ZDHHC5: variants seen among roughly 807,000 people sequenced by gnomAD.
ZDHHC5 encodes the protein zDHHC palmitoyltransferase 5, also known as palmitoyltransferase ZDHHC5.
Under a neutral mutation model 70.0 loss-of-function variants are expected in ZDHHC5, and 22 were observed. That is an observed-to-expected ratio of 0.31 (90% CI 0.22 to 0.45). The LOEUF (loss-of-function observed/expected upper bound fraction) is 0.45, where lower values mean the gene tolerates loss of function less well. ZDHHC5 is among the 20% of genes least tolerant of loss of function. The pLI is 1.00. For missense variants in ZDHHC5, 746 were observed against 926.9 expected, an observed-to-expected ratio of 0.80 and a Z score of 2.53; for synonymous variants, 313 against 347.8, an observed-to-expected ratio of 0.90 and a Z score of 1.11.
At chr11:57,693,748 G>A (rs954682898) in intron 7 of ZDHHC5, 35 bp from the exon 8 acceptor site, 49 of 1,517,340 alleles carry the variant, frequency 3.2e-5, no homozygotes, top group Middle Eastern at 1.7e-4. Context: ...AAGCTCTCTC[G>A]CTGTGTCTCT....
intron 3 of ZDHHC5, 89 bp downstream of exon 3, chr11:57,682,632 G>C: frequency 6.9e-7 from 1 of 1,449,074 alleles, no homozygotes; most frequent in Non-Finnish European, 9.2e-7. Context: ...GGCCTTAAGA[G>C]TCCTGGGATT....
intron 4 of ZDHHC5, among the ~76,000 whole-genome samples, chr11:57,689,777 T>C (rs961293686): frequency 7.3e-5 from 11 of 150,914 alleles, no homozygotes; most frequent in African/African-American, 2.7e-4. Context: ...AGCCTTGAAC[T>C]CCTGGGCTCA....
chr11:57,699,862 C>G lies in ZDHHC5; in HGVS notation c.1983-4C>G, dbSNP rs1946417229. 1 of 1,614,174 alleles carries G rather than the reference C, an allele frequency of 6.2e-7. No individual in the cohort carries two copies. Among genetic ancestry groups the G allele is most frequent in the Non-Finnish European group, 8.5e-7 (1 of 1,180,022 alleles). ...GACACCTACGTCTTGTCTCTTCTTT[C>G]CAGAGATGAAGTACAGCTGAAGACC... On this transcript the variant is annotated splice_region_variant and splice_polypyrimidine_tract_variant and intron_variant, in intron 11 of 11. Coordinates refer to ENST00000287169, the MANE Select transcript of ZDHHC5 (RefSeq NM_015457.3).
In ZDHHC5 at chr11:57,698,790, A is replaced by G. The variant is rs1233485097; in HGVS notation, c.1354A>G (p.Thr452Ala). 2 of 1,614,014 alleles carry G rather than the reference A, an allele frequency of 1.2e-6. No homozygotes were observed. The highest frequency in any genetic ancestry group is 1.7e-6 in the Non-Finnish European group (2 of 1,180,038). The change falls in exon 11 of 12, where the codon ACC (threonine) becomes GCC (alanine). Residue 452 changes from threonine (T) to alanine (A), a missense_variant. Physicochemically the swap from Thr to Ala is moderately conservative, Grantham distance 58 (BLOSUM62 0). Around this residue, in one of 6 missense-constraint regions of ZDHHC5, gnomAD observed 340 missense variants for 350.1 expected, o/e 0.97. Coordinates refer to ENST00000287169, the MANE Select transcript of ZDHHC5 (RefSeq NM_015457.3). ...GCAATCCATTCGTTCAGAGGGCACC[A>G]CCTCCACCTCCTATAAGAGCCTGGC... ...QLQSIRSEGT[T>A]STSYKSLANQ...
chr11:57,678,608 A>T (rs891586017), intron 2 of ZDHHC5, among the ~76,000 whole-genome samples: 16 of 150,062 alleles, frequency 1.1e-4, no homozygotes, highest in Admixed American at 1.0e-3. Flanking sequence ...GGCTGGGAGC[A>T]GTGGCTCACA....
intron 6 of ZDHHC5, among the ~76,000 whole-genome samples, chr11:57,692,167 A>T (rs2135398749): frequency 6.6e-6 from 1 of 152,078 alleles, no homozygotes; most frequent in Middle Eastern, 3.4e-3. Flanking sequence ...CAGGTGCCTG[A>T]CACCATGCCC....
Position 57,693,917 on chromosome 11 carries a change from T to C in ZDHHC5, c.885+2T>C. 10 of 1,607,452 alleles carry C rather than the reference T, an allele frequency of 6.2e-6. No individual in the cohort carries two copies. Among genetic ancestry groups the C allele is most frequent in the Non-Finnish European group, 8.5e-6 (10 of 1,177,852 alleles). ...CAGGGAGAGCTGAGGAGAACAAAGGTGAGGAATTTAGAGAAGTCAAGCTAG... is the reference window on the plus strand; with the variant it reads ...CAGGGAGAGCTGAGGAGAACAAAGGCGAGGAATTTAGAGAAGTCAAGCTAG... On this transcript the variant is annotated splice_donor_variant, in intron 8 of 11. Transcript: ENST00000287169. LOFTEE classifies it high-confidence loss of function.
rs1335232971 is a variant in ZDHHC5, at chr11:57,668,259, C to T, written c.-1071+72C>T. ...CAGCGAGGTGGGAGGGGAGGGTGAC[C>T]TCTAGGGAAGGGGGACCGAAGACGG... On this transcript the variant is annotated intron_variant, in intron 1 of 11. Coordinates refer to ENST00000287169, the MANE Select transcript of ZDHHC5 (RefSeq NM_015457.3). 3.8e-5 allele frequency: 13 copies of T among 341,824 alleles called. No homozygotes were observed. The Admixed American group carries it at 4.8e-4, about 13-fold the overall frequency. 21.2% of individuals were successfully genotyped at this position (341,824 alleles called of 1,614,324 possible).
At chr11:57,670,302 T>G (rs1245610244) in intron 1 of ZDHHC5, among the ~76,000 whole-genome samples, 1 of 151,918 alleles carries the variant, frequency 6.6e-6, no homozygotes, top group Non-Finnish European at 1.5e-5. Flanking sequence ...TGAAACCCCA[T>G]CTCTACTAAA....
intron 6 of ZDHHC5, among the ~76,000 whole-genome samples, chr11:57,691,488 C>T (rs1045801365): frequency 3.3e-5 from 5 of 152,092 alleles, no homozygotes; most frequent in Non-Finnish European, 5.9e-5. Flanking sequence ...TGAGCCACTG[C>T]GCCCAGCCTA....
chr11:57,692,940 A>T (rs781615768), intron 7 of ZDHHC5, among the ~76,000 whole-genome samples: 3 of 152,026 alleles, frequency 2.0e-5, no homozygotes, highest in Admixed American at 6.5e-5. Context: ...GACCGGTTTC[A>T]TGGGAGACAC....
At chr11:57,676,906 G>A (rs1158198052) in intron 2 of ZDHHC5, among the ~76,000 whole-genome samples, 1 of 134,144 alleles carries the variant, frequency 7.5e-6, no homozygotes, top group Non-Finnish European at 1.5e-5. Flanking sequence ...TCTGCTTCAC[G>A]TGATTTTTTT....
intron 3 of ZDHHC5, among the ~76,000 whole-genome samples, chr11:57,683,231 C>G (rs575822558): frequency 1.3e-5 from 2 of 152,326 alleles, no homozygotes; most frequent in African/African-American, 2.4e-5. Context: ...TTAAATAGAT[C>G]ATACATTTTC....
At chr11:57,679,441 C>T (rs976530686) in intron 2 of ZDHHC5, among the ~76,000 whole-genome samples, 7 of 152,098 alleles carry the variant, frequency 4.6e-5, no homozygotes, top group Admixed American at 2.0e-4. Flanking sequence ...GGGTTACAGG[C>T]GTGAGCCACC....
chr11:57,690,562 G>A (rs1318175497), intron 6 of ZDHHC5, 125 bp downstream of exon 6: 9 of 1,041,506 alleles, frequency 8.6e-6, no homozygotes, highest in Non-Finnish European at 1.3e-5. Flanking sequence ...ATTATGTAGA[G>A]ATTAATGGTA....
At chr11:57,680,535 G>A (rs1476795132) in intron 2 of ZDHHC5, among the ~76,000 whole-genome samples, 2 of 152,214 alleles carry the variant, frequency 1.3e-5, no homozygotes, top group East Asian at 3.8e-4. Flanking sequence ...CCAGTTGTAG[G>A]AATGAGACTT....
chr11:57,692,577 ATCT>A (rs746115289), intron 6 of ZDHHC5, 31 bp from the exon 7 acceptor site: 65 of 1,602,532 alleles, frequency 4.1e-5, no homozygotes, highest in Non-Finnish European at 5.2e-5. Context: ...TCAAGGTCTC[ATCT>A]TCTAACCTGG....
rs113494839 is a variant in ZDHHC5, at chr11:57,698,118, A to AACACACACAC, written c.1123-419_1123-410dup. On this transcript the variant is annotated intron_variant, in intron 10 of 11. Coordinates refer to ENST00000287169, the MANE Select transcript of ZDHHC5 (RefSeq NM_015457.3). ...CCATCACGCTCCAGCCTGGGCTTAA[A>AACACACACAC]ACACACACACACACACACACACACA... is the stretch of plus-strand genomic sequence containing the variant. Among the ~76,000 whole-genome samples, 1,090 of 110,372 alleles carry AACACACACAC rather than the reference A, an allele frequency of 9.9e-3. 13 individuals carry two copies. Among genetic ancestry groups the AACACACACAC allele is most frequent in the African/African-American group, 0.023 (834 of 36,052 alleles). 72.4% of individuals were successfully genotyped at this position (110,372 alleles called of 152,430 possible). A position where few individuals can be genotyped will look rare whatever the true frequency, so the allele number is the denominator to read the frequency against.
intron 4 of ZDHHC5, among the ~76,000 whole-genome samples, chr11:57,688,922 G>A (rs1413811268): frequency 6.6e-6 from 1 of 152,138 alleles, no homozygotes; most frequent in Non-Finnish European, 1.5e-5. Flanking sequence ...TAGTGATGAG[G>A]TCTCACTGTG....
Sources: allele counts gnomAD v4.1 joint callset (sites outside exome capture counted in the v4.1 genomes callset), GRCh38; gene constraint gnomAD v4.1.1; regional missense constraint gnomAD v4.1.1; transcripts MANE v1.5; gene names NCBI Gene and HGNC (gene_info 2026-07-23, HGNC 2026-07-21).